ZFPM2: variants seen among roughly 807,000 people sequenced by gnomAD.
The protein encoded by ZFPM2 is zinc finger protein ZFPM2.
A neutral mutation model predicts 98.6 loss-of-function variants in ZFPM2; 20 were observed. That is an observed-to-expected ratio of 0.20 (90% CI 0.14 to 0.29). ZFPM2 has a LOEUF of 0.29. Among genes scored for constraint, ZFPM2 ranks in the 10% least tolerant of loss-of-function variants. The probability of loss-of-function intolerance (pLI) is 1.00; values close to 1 mark genes in which losing one functional copy is unlikely to be tolerated. For missense variants in ZFPM2, 1,310 were observed against 1,388.6 expected, an observed-to-expected ratio of 0.94 and a Z score of 0.90; for synonymous variants, 518 against 502.7, an observed-to-expected ratio of 1.03 and a Z score of -0.41.
intron 5 of ZFPM2, among the ~76,000 whole-genome samples, chr8:105,784,568 T>G (rs765738647): frequency 6.9e-6 from 1 of 145,962 alleles, no homozygotes; most frequent in Non-Finnish European, 1.5e-5. Context: ...ATATAAACAT[T>G]TATTATATGT....
At chr8:105,708,069 A>G (rs528456691) in intron 5 of ZFPM2, among the ~76,000 whole-genome samples, 8 of 152,284 alleles carry the variant, frequency 5.3e-5, no homozygotes, top group African/African-American at 1.9e-4. Flanking sequence ...GTTGTCAGCT[A>G]GTCCCAACAA....
intron 3 of ZFPM2, among the ~76,000 whole-genome samples, chr8:105,490,974 A>G (rs1447803250): frequency 1.3e-5 from 2 of 152,220 alleles, no homozygotes; most frequent in South Asian, 2.1e-4. Context: ...GGTCATCTTT[A>G]TATCAAAGAT....
chr8:105,576,655 C>A (rs1456406010), intron 4 of ZFPM2, among the ~76,000 whole-genome samples: 1 of 152,106 alleles, frequency 6.6e-6, no homozygotes, highest in Non-Finnish European at 1.5e-5. Flanking sequence ...TAGGATAGAT[C>A]TATTTGTATG....
chr8:105,617,890 A>G (rs1223700239), intron 4 of ZFPM2, among the ~76,000 whole-genome samples: 1 of 152,214 alleles, frequency 6.6e-6, no homozygotes, highest in African/African-American at 2.4e-5. Flanking sequence ...ATTAAAAAGT[A>G]TTCGCTGTTT....
chr8:105,324,049 T>C (rs942217959), intron 1 of ZFPM2, among the ~76,000 whole-genome samples: 2 of 151,868 alleles, frequency 1.3e-5, no homozygotes, highest in African/African-American at 4.8e-5. Flanking sequence ...TAAAATTGCA[T>C]CAATTTGGTT....
At chr8:105,795,389 A>ATGAG (rs1356485683) in intron 6 of ZFPM2, among the ~76,000 whole-genome samples, 13 of 151,922 alleles carry the variant, frequency 8.6e-5, no homozygotes, top group Admixed American at 2.6e-4. Flanking sequence ...GATGTTCTAC[A>ATGAG]TGAGTTCAAT....
At chr8:105,409,343 T>C (rs746475854) in intron 1 of ZFPM2, among the ~76,000 whole-genome samples, 7 of 151,942 alleles carry the variant, frequency 4.6e-5, no homozygotes, top group Non-Finnish European at 7.4e-5. Context: ...TATCCAGGAC[T>C]CTTGGCAGAT....
chr8:105,435,373 C>T (rs530039860), intron 2 of ZFPM2, among the ~76,000 whole-genome samples: 18 of 151,902 alleles, frequency 1.2e-4, no homozygotes, highest in Non-Finnish European at 2.5e-4. Flanking sequence ...AGTGGTTATC[C>T]CATTAAATAT....
Position 105,471,486 on chromosome 8 carries a change from C to T in ZFPM2, c.301+27105C>T, listed in dbSNP as rs147774702. ...TTATCACTTTAAGATTGGGCAAAAA[C>T]TTTTTGGACGAGGATGGGATAGCTT... On this transcript the variant is annotated intron_variant, in intron 3 of 7. Transcript: ENST00000407775. Among the ~76,000 whole-genome samples, 40 of 152,200 alleles carry T rather than the reference C, an allele frequency of 2.6e-4. No homozygotes were observed. The East Asian group carries it at 7.3e-3, about 28-fold the overall frequency.
chr8:105,784,251 C>T (rs1813344702), intron 5 of ZFPM2, among the ~76,000 whole-genome samples: 2 of 152,140 alleles, frequency 1.3e-5, no homozygotes, highest in African/African-American at 4.8e-5. Flanking sequence ...AGCTCTGAAG[C>T]ATTAAAATAG....
chr8:105,451,332 T>G (rs564979796), intron 3 of ZFPM2, among the ~76,000 whole-genome samples: 1 of 152,130 alleles, frequency 6.6e-6, no homozygotes, highest in South Asian at 2.1e-4. Context: ...TATATGACAA[T>G]TCACCAATTA....
intron 1 of ZFPM2, among the ~76,000 whole-genome samples, chr8:105,333,432 A>C (rs1215279379): frequency 6.6e-6 from 1 of 151,758 alleles, no homozygotes; most frequent in Non-Finnish European, 1.5e-5. Context: ...ATTCATTCAT[A>C]TGCATTAGCT....
chr8:105,695,170 T>C (rs1226443411), intron 5 of ZFPM2, among the ~76,000 whole-genome samples: 1 of 152,100 alleles, frequency 6.6e-6, no homozygotes, highest in Admixed American at 6.6e-5. Context: ...ATGATAGTAT[T>C]TTTAAGAAAT....
intron 5 of ZFPM2, among the ~76,000 whole-genome samples, chr8:105,718,271 C>A (rs184931518): frequency 1.3e-5 from 2 of 151,880 alleles, no homozygotes; most frequent in South Asian, 2.1e-4. Flanking sequence ...TGGCTGACTA[C>A]AACATCCAGA....
At chr8:105,653,404 A>G (rs1354020742) in intron 5 of ZFPM2, among the ~76,000 whole-genome samples, 1 of 152,202 alleles carries the variant, frequency 6.6e-6, no homozygotes, top group Non-Finnish European at 1.5e-5. Context: ...GTTATGTTTT[A>G]CCTTCATTGA....
intron 7 of ZFPM2, 143 bp downstream of exon 7, chr8:105,799,091 T>C (rs1256222896): frequency 1.4e-6 from 1 of 731,056 alleles, no homozygotes; most frequent in African/African-American, 1.8e-5. Flanking sequence ...TCAACCAGTG[T>C]GATCTTATGC....
At chr8:105,613,830 CA>C (rs911406730) in intron 4 of ZFPM2, among the ~76,000 whole-genome samples, 4 of 151,832 alleles carry the variant, frequency 2.6e-5, no homozygotes, top group African/African-American at 9.7e-5. Flanking sequence ...TTTTGCCCCC[CA>C]AAAAAGGCAA....
chr8:105,709,659 T>A (rs1290664908), intron 5 of ZFPM2, among the ~76,000 whole-genome samples: 2 of 152,156 alleles, frequency 1.3e-5, no homozygotes, highest in Non-Finnish European at 2.9e-5. Flanking sequence ...AGGTCAGTGA[T>A]ATTATCTTTG....
intron 5 of ZFPM2, among the ~76,000 whole-genome samples, chr8:105,770,891 T>TA (rs1318097421): frequency 6.6e-6 from 1 of 152,104 alleles, no homozygotes; most frequent in African/African-American, 2.4e-5. Flanking sequence ...TATCACCCAC[T>TA]AAGAAAGGCA....
Sources: gnomAD v4.1 joint callset for allele counts (sites outside exome capture counted in the v4.1 genomes callset) on GRCh38, gnomAD v4.1.1 for gene constraint, MANE v1.5 for transcripts, NCBI Gene and HGNC (gene_info 2026-07-23, HGNC 2026-07-21) for gene names.